GPR21: variants seen among roughly 807,000 people sequenced by gnomAD.
GPR21 encodes the protein G protein-coupled receptor 21.
GPR21 carries 9 observed loss-of-function variants against 21.5 expected under a neutral mutation model. That is an observed-to-expected ratio of 0.42 (90% CI 0.25 to 0.73). The LOEUF (loss-of-function observed/expected upper bound fraction) is 0.73, where lower values mean the gene tolerates loss of function less well. GPR21 is among the 30% of genes least tolerant of loss of function. The pLI, the probability that GPR21 is intolerant of heterozygous loss-of-function variation, is 0.27. For synonymous variants in GPR21, 169 were observed against 159.3 expected (o/e 1.06, Z -0.46); for missense variants, 416 against 428.9 (o/e 0.97, Z 0.27).
downstream of GPR21, among the ~76,000 whole-genome samples, chr9:123,040,123 A>G (rs1349543052): frequency 1.3e-5 from 2 of 152,152 alleles, no homozygotes; most frequent in Non-Finnish European, 2.9e-5. Flanking sequence ...AGAACTATAT[A>G]GTCTTTAGGT....
the GPR21 span, among the ~76,000 whole-genome samples, chr9:123,047,724 G>A: frequency 6.6e-6 from 1 of 151,954 alleles, no homozygotes; most frequent in Admixed American, 6.6e-5. Flanking sequence ...TAAAATAAAG[G>A]TTGAAACCTC....
At chr9:123,047,926 T>TG in the GPR21 span, among the ~76,000 whole-genome samples, 1 of 57,828 alleles carries the variant, frequency 1.7e-5, no homozygotes, top group Non-Finnish European at 2.5e-5. Context: ...TGGGTTTTTT[T>TG]TTTTTTTTTT....
At position 123,034,243 on chromosome 9, in the gene GPR21, C is replaced by T; in HGVS notation, c.-324C>T. 1 of 372,750 alleles carries T rather than the reference C, an allele frequency of 2.7e-6. No individual in the cohort carries two copies. Among genetic ancestry groups the T allele is most frequent in the Non-Finnish European group, 4.8e-6 (1 of 209,520 alleles). The allele number at this position is 372,750 out of a possible 1,614,324, so 23.1% of individuals were successfully genotyped here. A position where few individuals can be genotyped will look rare whatever the true frequency, so the allele number is the denominator to read the frequency against. On this transcript the variant is annotated 5_prime_UTR_variant, in exon 2 of 2. Coordinates refer to ENST00000616002, the MANE Select transcript of GPR21 (RefSeq NM_005294.3). The stretch of plus-strand genomic sequence containing the variant: ...CTTCCCTTCTCTTCTACCCTTTCCC[C>T]CTACCCTCACTTGGCCTGAAGACGT...
the GPR21 span, among the ~76,000 whole-genome samples, chr9:123,044,626 C>CGTGTGTGTGTGTGTGT: frequency 5.4e-5 from 8 of 148,978 alleles, no homozygotes; most frequent in African/African-American, 2.0e-4. Flanking sequence ...AACACACGTA[C>CGTGTGTGTGTGTGTGT]GTGTGTGTGT....
rs1450414709 is a variant in GPR21, at chr9:123,035,169, C to T, written c.603C>T (p.Ala201=). The change falls in exon 2 of 2, where the codon GCC becomes GCT. Residue 201 remains alanine (A), a synonymous_variant. Transcript: ENST00000616002. ...FTLFIVMMLY[A]PAALIVCFTY... is the part of the protein sequence containing the mutation. ...TGTTCATCGTGATGATGTTATATGC[C>T]CCAGCAGCCCTTATTGTCTGCTTCA... is the stretch of plus-strand genomic sequence containing the variant. The T allele has an allele frequency of 1.9e-6, 3 of 1,613,728 alleles. No individual in the cohort carries two copies. The highest frequency in any genetic ancestry group is 1.7e-6 in the Non-Finnish European group (2 of 1,179,810).
chr9:123,035,753 A>G (rs1386954533), downstream of GPR21: 2 of 591,394 alleles, frequency 3.4e-6, no homozygotes, highest in Admixed American at 3.3e-5. Context: ...AAACAATAGC[A>G]TACAAATTAT....
chr9:123,034,931 G>C lies in GPR21; in HGVS notation c.365G>C (p.Cys122Ser). The change falls in exon 2 of 2, where the codon TGT (cysteine) becomes TCT (serine). Residue 122 changes from cysteine (C) to serine (S), a missense_variant. Coordinates refer to ENST00000616002, the MANE Select transcript of GPR21 (RefSeq NM_005294.3). ...LKSVSMASLA[C>S]ISIDRYIAIT... ...AGCGTCTCCATGGCTTCTCTGGCCTGTATCAGCATTGATAGATACATTGCC... is the reference window on the plus strand; with the variant it reads ...AGCGTCTCCATGGCTTCTCTGGCCTCTATCAGCATTGATAGATACATTGCC... The C allele has an allele frequency of 6.2e-7, 1 of 1,613,058 alleles. No individual in the cohort carries two copies. The highest frequency in any genetic ancestry group is 8.5e-7 in the Non-Finnish European group (1 of 1,179,070).
chr9:123,043,760 T>A, the GPR21 span, among the ~76,000 whole-genome samples: 1 of 152,100 alleles, frequency 6.6e-6, no homozygotes, highest in Admixed American at 6.5e-5. Flanking sequence ...TATTCAGAAG[T>A]ATGAATTAAA....
Position 123,034,800 on chromosome 9 carries a change from T to A in GPR21, c.234T>A (p.Val78=). 1 of 1,613,942 alleles carries A rather than the reference T, an allele frequency of 6.2e-7. No individual in the cohort carries two copies. The highest frequency in any genetic ancestry group is 8.5e-7 in the Non-Finnish European group (1 of 1,179,830). ...CTATGGCATATGCTGACCTTTTTGT[T>A]GGGGTGAGCTGCGTGGTCCCTTCTT... ...IQTMAYADLF[V]GVSCVVPSLS... is the part of the protein sequence containing the mutation. Residue 78 remains valine (V), a synonymous_variant, in exon 2 of 2, where the codon GTT becomes GTA. Coordinates refer to ENST00000616002, the MANE Select transcript of GPR21 (RefSeq NM_005294.3).
rs769300143 is a variant in GPR21 at position 123,035,211 on chromosome 9, C to A, written c.645C>A (p.Phe215Leu). ...TCTGCTTCACCTATTTCAACATCTT[C>A]CGCATCTGCCAACAGCACACAAAGG... ...LIVCFTYFNI[F>L]RICQQHTKDI... The change falls in exon 2 of 2, where the codon TTC (phenylalanine) becomes TTA (leucine). Residue 215 changes from phenylalanine to leucine, a missense_variant. Coordinates refer to ENST00000616002, the MANE Select transcript of GPR21 (RefSeq NM_005294.3). The A allele has an allele frequency of 1.2e-5, 19 of 1,614,062 alleles. No individual in the cohort carries two copies. In the East Asian group the frequency reaches 3.6e-4, roughly 30 times the overall value.
At chr9:123,039,947 T>C (rs1055007698), downstream of GPR21, among the ~76,000 whole-genome samples, 12 of 152,194 alleles carry the variant, frequency 7.9e-5, no homozygotes, top group African/African-American at 2.9e-4. Flanking sequence ...GAAAGAAGTA[T>C]TTCCTTGATA....
the GPR21 span, among the ~76,000 whole-genome samples, chr9:123,047,179 A>G: frequency 2.8e-4 from 43 of 152,226 alleles, no homozygotes; most frequent in Non-Finnish European, 5.9e-4. Context: ...TTTCAGCCAA[A>G]CGAGTTAAGA....
At chr9:123,033,878 T>C (rs1041700079) in intron 1 of GPR21, 136 bp downstream of exon 1, 12 of 152,260 alleles carry the variant, frequency 7.9e-5, no homozygotes, top group Admixed American at 7.9e-4. Context: ...TGAAAGGTTT[T>C]CCTAAATATT....
the GPR21 span, among the ~76,000 whole-genome samples, chr9:123,042,723 A>G: frequency 6.6e-6 from 1 of 152,222 alleles, no homozygotes; most frequent in Non-Finnish European, 1.5e-5. Flanking sequence ...GCTGACTAAC[A>G]GAATCTTCAG....
In GPR21 at chr9:123,035,659, TG is replaced by T. The variant is rs2032609648; in HGVS notation, c.*44del. The T allele has an allele frequency of 1.2e-6, 1 of 855,372 alleles. No homozygotes were observed. Among genetic ancestry groups the T allele is most frequent in the Non-Finnish European group, 1.8e-6 (1 of 549,650 alleles). 53.0% of individuals were successfully genotyped at this position (855,372 alleles called of 1,614,324 possible). A position where few individuals can be genotyped will look rare whatever the true frequency, so the allele number is the denominator to read the frequency against. On this transcript the variant is annotated 3_prime_UTR_variant, in exon 2 of 2. Transcript: ENST00000616002. Reference sequence around the variant, plus strand: ...GTTCCCGTGTGTGTGTGTGTGTGTGTGTGTGTGTGTGTGTGTGTGTGTGTAT... The same window carrying T: ...GTTCCCGTGTGTGTGTGTGTGTGTGTTGTGTGTGTGTGTGTGTGTGTGTAT...
At chr9:123,048,590 A>G in the GPR21 span, among the ~76,000 whole-genome samples, 5 of 152,244 alleles carry the variant, frequency 3.3e-5, no homozygotes, top group Admixed American at 3.3e-4. Context: ...TATGCAGTTT[A>G]CTTGGTAATA....
At chr9:123,035,921 T>C (rs1359534967), downstream of GPR21, among the ~76,000 whole-genome samples, 1 of 152,216 alleles carries the variant, frequency 6.6e-6, no homozygotes, top group Non-Finnish European at 1.5e-5. Context: ...AAGCCATATC[T>C]AACACCTCTT....
downstream of GPR21, among the ~76,000 whole-genome samples, chr9:123,040,564 C>A (rs1270267486): frequency 1.3e-5 from 2 of 152,230 alleles, no homozygotes; most frequent in East Asian, 3.9e-4. Flanking sequence ...AGATTCTTTG[C>A]AAGTCTTAGT....
At chr9:123,041,847 A>T in the GPR21 span, among the ~76,000 whole-genome samples, 1 of 152,204 alleles carries the variant, frequency 6.6e-6, no homozygotes, top group Non-Finnish European at 1.5e-5. Flanking sequence ...AAAAACAAGA[A>T]TTGATAGAAG....
Sources: allele counts gnomAD v4.1 joint callset (sites outside exome capture counted in the v4.1 genomes callset), GRCh38; gene constraint gnomAD v4.1.1; transcripts MANE v1.5; gene names NCBI Gene and HGNC (gene_info 2026-07-23, HGNC 2026-07-21).